The following GATA3 variants were observed in gnomAD, a reference collection of about 807,000 sequenced individuals.
GATA3 encodes the protein GATA binding protein 3, also known as trans-acting T-cell-specific transcription factor GATA-3.
A neutral mutation model predicts 36.0 loss-of-function variants in GATA3; 6 were observed. The ratio of observed to expected loss-of-function variants is 0.17; its 90% CI spans 0.09 to 0.33. The LOEUF is 0.33. Among genes scored for constraint, GATA3 ranks in the 10% least tolerant of loss-of-function variants. GATA3 has a pLI of 1.00. For synonymous variants in GATA3, 326 were observed against 273.0 expected (o/e 1.19, Z -1.92); for missense variants, 514 against 610.1 (o/e 0.84, Z 1.66).
intron 1 of GATA3, among the ~76,000 whole-genome samples, chr10:8,045,709 G>A (rs1832378900): frequency 6.6e-6 from 1 of 152,202 alleles, no homozygotes; most frequent in African/African-American, 2.4e-5. Context: ...GGGCGGGTAC[G>A]GTGTGTGAGT....
At chr10:8,051,346 G>T (rs1028886049), upstream of GATA3, 2 of 264,108 alleles carry the variant, frequency 7.6e-6, no homozygotes, top group South Asian at 7.3e-5. Context: ...GGCTGCTGCC[G>T]ACCCGCACGC....
At chr10:8,071,105 T>C (rs906945729) in intron 5 of GATA3, among the ~76,000 whole-genome samples, 2 of 152,248 alleles carry the variant, frequency 1.3e-5, no homozygotes, top group African/African-American at 2.4e-5. Context: ...AACTTTCATG[T>C]TACTTGATTA....
At chr10:8,064,778 G>T (rs1221258176) in intron 4 of GATA3, among the ~76,000 whole-genome samples, 1 of 152,200 alleles carries the variant, frequency 6.6e-6, no homozygotes, top group Non-Finnish European at 1.5e-5. Flanking sequence ...GGGAAACGTC[G>T]TGTGAGTCCT....
rs2229360 is a variant in GATA3 at position 8,074,116 on chromosome 10, C to T, written c.*93C>T. The T allele has an allele frequency of 0.024, 33,675 of 1,408,806 alleles. 2,126 individuals carry two copies. In the East Asian group the frequency reaches 0.27, roughly 11 times the overall value. 87.3% of individuals were successfully genotyped at this position (1,408,806 alleles called of 1,614,324 possible). A position where few individuals can be genotyped will look rare whatever the true frequency, so the allele number is the denominator to read the frequency against. On this transcript the variant is annotated 3_prime_UTR_variant, in exon 6 of 6. Transcript: ENST00000379328. ...CAGGAGCAGTATCATGAAGCCTAAACGCGATGGATATATGTTTTTGAAGGC... is the reference window on the plus strand; with the variant it reads ...CAGGAGCAGTATCATGAAGCCTAAATGCGATGGATATATGTTTTTGAAGGC...
At chr10:8,056,403 G>A (rs1832640193) in intron 2 of GATA3, among the ~76,000 whole-genome samples, 1 of 152,164 alleles carries the variant, frequency 6.6e-6, no homozygotes, top group Non-Finnish European at 1.5e-5. Flanking sequence ...CCCTCAATTC[G>A]CACATTTTCA....
chr10:8,050,014 G>C (rs571759616), upstream of GATA3, among the ~76,000 whole-genome samples: 81 of 152,284 alleles, frequency 5.3e-4, no homozygotes, highest in South Asian at 5.0e-3. Context: ...GCGTGGGCTA[G>C]AGAGGCCGGC....
intron 3 of GATA3, among the ~76,000 whole-genome samples, chr10:8,062,557 C>T (rs959095150): frequency 1.3e-5 from 2 of 151,988 alleles, no homozygotes; most frequent in Non-Finnish European, 2.9e-5. Flanking sequence ...TTCCAAAGGC[C>T]CAATAGGTCC....
Position 8,058,660 on chromosome 10 carries a change from C to T in GATA3, c.597C>T (p.Ser199=), listed in dbSNP as rs1832692487. The T allele has an allele frequency of 6.2e-7, 1 of 1,613,202 alleles. No homozygotes were observed. The highest frequency in any genetic ancestry group is 1.3e-5 in the African/African-American group (1 of 75,042). The change falls in exon 3 of 6, where the codon TCC becomes TCT. Residue 199 remains serine, a synonymous_variant. Transcript: ENST00000379328. ...PLPDSMKLES[S]HSRGSMTALG... is the part of the protein sequence containing the mutation. Reference sequence around the variant, plus strand: ...CCGACAGCATGAAGCTGGAGTCGTCCCACTCCCGTGGCAGCATGACCGCCC... The same window carrying T: ...CCGACAGCATGAAGCTGGAGTCGTCTCACTCCCGTGGCAGCATGACCGCCC...
intron 4 of GATA3, among the ~76,000 whole-genome samples, chr10:8,067,189 G>A (rs1301194075): frequency 3.3e-5 from 5 of 152,076 alleles, no homozygotes; most frequent in African/African-American, 1.2e-4. Flanking sequence ...AAAGGCAGTC[G>A]GGCAGAGGCA....
At chr10:8,070,573 G>C (rs1419032453) in intron 5 of GATA3, among the ~76,000 whole-genome samples, 1 of 151,996 alleles carries the variant, frequency 6.6e-6, no homozygotes, top group Non-Finnish European at 1.5e-5. Context: ...CAAAGTCCGG[G>C]GCTGAACAGG....
chr10:8,054,423 C>G (rs907322755), upstream of GATA3, among the ~76,000 whole-genome samples: 56 of 152,296 alleles, frequency 3.7e-4, no homozygotes, highest in Non-Finnish European at 7.1e-4. The surrounding 1 kb of genome is among the most constrained non-coding windows in gnomAD (Gnocchi z 4.2). Context: ...CCCTCCCGTC[C>G]GCCCCCAAGC....
chr10:8,074,282 A>AC lies in GATA3; in HGVS notation c.*259_*260insC. On this transcript the variant is annotated 3_prime_UTR_variant, in exon 6 of 6. Coordinates refer to ENST00000379328, the MANE Select transcript of GATA3 (RefSeq NM_001002295.2). ...TAACAGGGTCTCTAGTGCTGTGAAA[A>AC]AAAAAATGCTGAACATTGCATATAA... 1 of 510,808 alleles carries AC rather than the reference A, an allele frequency of 2.0e-6. No individual in the cohort carries two copies. The highest frequency in any genetic ancestry group is 3.5e-6 in the Non-Finnish European group (1 of 289,456). The allele number at this position is 510,808 out of a possible 1,614,324, so 31.6% of individuals were successfully genotyped here. A position where few individuals can be genotyped will look rare whatever the true frequency, so the allele number is the denominator to read the frequency against.
At chr10:8,071,240 T>C (rs1287039708) in intron 5 of GATA3, among the ~76,000 whole-genome samples, 1 of 152,112 alleles carries the variant, frequency 6.6e-6, no homozygotes, top group African/African-American at 2.4e-5. Flanking sequence ...GCTGAGAAAG[T>C]ATAAGAGTCA....
Position 8,055,701 on chromosome 10 carries a change from C to T in GATA3, c.46C>T (p.Pro16Ser), listed in dbSNP as rs1346145007. The T allele has an allele frequency of 6.4e-7, 1 of 1,561,796 alleles. No individual in the cohort carries two copies. Among genetic ancestry groups the T allele is most frequent in the Non-Finnish European group, 8.7e-7 (1 of 1,153,312 alleles). The change falls in exon 2 of 6, where the codon CCC (proline) becomes TCC (serine). Residue 16 changes from proline (P) to serine (S), a missense_variant. This residue lies in a region of GATA3 where 381 missense variants were observed against 354.3 expected (regional missense o/e 1.08). Transcript: ENST00000379328. The surrounding 1 kb of genome is among the most constrained non-coding windows in gnomAD (Gnocchi z 5.4). ...DQPRWVSHHH[P>S]AVLNGQHPDT... is the part of the protein sequence containing the mutation. Reference sequence around the variant, plus strand: ...GCCGCGCTGGGTGAGCCACCACCACCCCGCCGTGCTCAACGGGCAGCACCC... The same window carrying T: ...GCCGCGCTGGGTGAGCCACCACCACTCCGCCGTGCTCAACGGGCAGCACCC...
intron 4 of GATA3, among the ~76,000 whole-genome samples, chr10:8,068,290 T>C (rs1832878173): frequency 6.6e-6 from 1 of 152,128 alleles, no homozygotes; most frequent in African/African-American, 2.4e-5. Flanking sequence ...AAGTAGGAAA[T>C]GGCTGATTTC....
chr10:8,056,047 A>C, intron 2 of GATA3, 151 bp downstream of exon 2: 3 of 1,064,272 alleles, frequency 2.8e-6, no homozygotes, highest in Non-Finnish European at 2.8e-6. Context: ...GGGCCCGGAA[A>C]TGGGCGAGGA....
intron 4 of GATA3, among the ~76,000 whole-genome samples, chr10:8,067,870 T>C (rs11567925): frequency 7.0e-4 from 106 of 151,676 alleles, no homozygotes; most frequent in African/African-American, 2.5e-3. Flanking sequence ...AAAACAAAAC[T>C]GTACCAGGAT....
intron 4 of GATA3, among the ~76,000 whole-genome samples, chr10:8,067,675 TG>T (rs1351400486): frequency 1.4e-5 from 2 of 146,890 alleles, no homozygotes; most frequent in Non-Finnish European, 3.0e-5. Flanking sequence ...AAAAATTAGC[TG>T]GGGCGGTGGC....
At chr10:8,067,305 C>T (rs1832857830) in intron 4 of GATA3, among the ~76,000 whole-genome samples, 1 of 152,090 alleles carries the variant, frequency 6.6e-6, no homozygotes, top group South Asian at 2.1e-4. Context: ...TTTTTAGTTT[C>T]CAGTTCCTTA....
Sources: allele counts gnomAD v4.1 joint callset (sites outside exome capture counted in the v4.1 genomes callset), GRCh38; gene constraint gnomAD v4.1.1; regional missense constraint gnomAD v4.1.1; non-coding constraint Gnocchi (gnomAD v3.1); transcripts MANE v1.5; gene names NCBI Gene and HGNC (gene_info 2026-07-23, HGNC 2026-07-21).